Variants in ROS1 observed in about 807,000 individuals in gnomAD.
ROS1 encodes the protein proto-oncogene tyrosine-protein kinase ROS.
ROS1 carries 263 observed loss-of-function variants against 273.5 expected under a neutral mutation model. The observed-to-expected ratio is 0.96, with a 90% confidence interval of 0.87 to 1.06. ROS1 has a LOEUF of 1.06. ROS1 is among the 50% of genes least tolerant of loss of function. ROS1 has a pLI of 0.00. For missense variants in ROS1, 2,833 were observed against 2,751.1 expected (o/e 1.03, Z -0.67); for synonymous variants, 1,008 against 954.1 (o/e 1.06, Z -1.04).
intron 22 of ROS1, among the ~76,000 whole-genome samples, chr6:117,362,214 C>T (rs865864002): frequency 1.1e-4 from 17 of 152,024 alleles, no homozygotes; most frequent in Non-Finnish European, 2.4e-4. Context: ...CCCCTCTTGC[C>T]TCTCTACTTT....
intron 4 of ROS1, among the ~76,000 whole-genome samples, chr6:117,412,743 C>T (rs189658071): frequency 1.3e-5 from 2 of 152,250 alleles, no homozygotes; most frequent in Admixed American, 6.5e-5. Context: ...AGTTATAACA[C>T]TGAGAGGAAA....
intron 34 of ROS1, 106 bp downstream of exon 34, chr6:117,326,118 T>TATATAG (rs1425805750): frequency 4.1e-6 from 1 of 244,670 alleles, no homozygotes; most frequent in Admixed American, 5.9e-5. Flanking sequence ...TATATATATA[T>TATATAG]ATATATATAG....
At chr6:117,321,463 AC>A (rs1461835356) in intron 35 of ROS1, 69 bp from the exon 36 acceptor site, 3 of 1,381,894 alleles carry the variant, frequency 2.2e-6, no homozygotes, top group Non-Finnish European at 3.0e-6. Context: ...GGAAATGTTA[AC>A]AGTGCATTTG....
At chr6:117,304,529 CA>C (rs1242049829) in intron 42 of ROS1, among the ~76,000 whole-genome samples, 4 of 151,988 alleles carry the variant, frequency 2.6e-5, no homozygotes, top group African/African-American at 2.4e-5. Flanking sequence ...AACCATGGTC[CA>C]AAAATATTTA....
At position 117,341,141 on chromosome 6, in the gene ROS1, T is replaced by C. The variant is rs958401530; in HGVS notation, c.5055A>G (p.Leu1685=). 8 of 1,603,870 alleles carry C rather than the reference T, an allele frequency of 5.0e-6. No individual in the cohort carries two copies. Among genetic ancestry groups the C allele is most frequent in the Non-Finnish European group, 6.0e-6 (7 of 1,175,964 alleles). The stretch of plus-strand genomic sequence containing the variant: ...ACTTGCATTAAAAGTCTACCTTCTG[T>C]AGCTCAACCCAAAATCTGATGAGGT... ...NVNLIRFWVE[L]QKWKYNEFYH... Residue 1685 remains leucine (L), a synonymous_variant, in exon 31 of 44, where the codon CTA becomes CTG. Coordinates refer to ENST00000368507, the MANE Select transcript of ROS1 (RefSeq NM_001378902.1).
Position 117,383,520 on chromosome 6 carries a change from AAT to A in ROS1, c.2290-14_2290-13del. On this transcript the variant is annotated splice_polypyrimidine_tract_variant and intron_variant, in intron 16 of 43. Coordinates refer to ENST00000368507, the MANE Select transcript of ROS1 (RefSeq NM_001378902.1). ...GACTGCCTTTGTATCTAAAAAACAT[AAT>A]TGTATGGCCAGTTAATGGCTTTCAA... The A allele has an allele frequency of 3.7e-6, 6 of 1,600,732 alleles. No homozygotes were observed. Among genetic ancestry groups the A allele is most frequent in the Non-Finnish European group, 5.1e-6 (6 of 1,167,968 alleles).
intron 35 of ROS1, among the ~76,000 whole-genome samples, chr6:117,323,288 G>T (rs1398529492): frequency 6.6e-6 from 1 of 152,118 alleles, no homozygotes; most frequent in Admixed American, 6.6e-5. Flanking sequence ...TAAAGATTGT[G>T]ACTCCAATCA....
intron 34 of ROS1, 106 bp downstream of exon 34, chr6:117,326,118 T>C (rs1776626018): frequency 4.1e-6 from 1 of 244,662 alleles, no homozygotes; most frequent in East Asian, 7.5e-5. Context: ...TATATATATA[T>C]ATATATATAG....
rs1384823853 is a variant in ROS1 at position 117,389,331 on chromosome 6, C to A, written c.1786+19G>T. On this transcript the variant is annotated intron_variant, in intron 13 of 43. Transcript: ENST00000368507. ...TATTCCAGCAAGGCCAGTAACCACACTGGGGACAGAGCACTCACTGGCTCC... is the reference window on the plus strand; with the variant it reads ...TATTCCAGCAAGGCCAGTAACCACAATGGGGACAGAGCACTCACTGGCTCC... 6.3e-7 allele frequency: 1 copy of A among 1,597,394 alleles called. No individual in the cohort carries two copies.
At chr6:117,332,344 G>C (rs1777141839) in intron 32 of ROS1, among the ~76,000 whole-genome samples, 1 of 152,178 alleles carries the variant, frequency 6.6e-6, no homozygotes, top group African/African-American at 2.4e-5. Flanking sequence ...GACTCACAAA[G>C]TAAGTTCTTA....
At chr6:117,317,757 A>G (rs1776018935) in intron 38 of ROS1, among the ~76,000 whole-genome samples, 1 of 152,096 alleles carries the variant, frequency 6.6e-6, no homozygotes, top group African/African-American at 2.4e-5. Context: ...TCTTCCCATT[A>G]AGATGTGCTT....
rs199563442 is a variant in ROS1, at chr6:117,329,383, C to T, written c.5294G>A (p.Trp1765Ter). The T allele has an allele frequency of 1.2e-6, 2 of 1,603,068 alleles. No homozygotes were observed. The highest frequency in any genetic ancestry group is 1.7e-6 in the Non-Finnish European group (2 of 1,170,424). ...ACATCCATTATCTTCAGCTTTCTCC[C>T]ACTGTATTGAATTTTTACTCCCTTC... ...LLEGSKNSIQ[W>*]EKAEDNGCRI... The change falls in exon 33 of 44, where the codon TGG becomes TAG. Residue 1765 changes from tryptophan (W) to a stop codon, truncating the protein, a stop_gained. Coordinates refer to ENST00000368507, the MANE Select transcript of ROS1 (RefSeq NM_001378902.1). LOFTEE classifies it high-confidence loss of function.
chr6:117,363,865 C>A (rs763869505), intron 21 of ROS1, among the ~76,000 whole-genome samples: 2 of 152,104 alleles, frequency 1.3e-5, no homozygotes, highest in Non-Finnish European at 2.9e-5. Context: ...TCAGAGAAAG[C>A]ATCTCTTCTT....
intron 20 of ROS1, 67 bp from the exon 21 acceptor site, chr6:117,365,271 T>C (rs933371027): frequency 2.1e-6 from 3 of 1,449,624 alleles, no homozygotes; most frequent in South Asian, 1.3e-5. Context: ...TTCCTTATTA[T>C]CTAAAATCTC....
intron 27 of ROS1, among the ~76,000 whole-genome samples, chr6:117,349,594 T>C (rs1162094803): frequency 6.6e-6 from 1 of 152,090 alleles, no homozygotes; most frequent in African/African-American, 2.4e-5. Context: ...TAAATTAAGA[T>C]CTACCATATT....
At chr6:117,368,731 T>C (rs1780480473) in intron 18 of ROS1, among the ~76,000 whole-genome samples, 1 of 152,196 alleles carries the variant, frequency 6.6e-6, no homozygotes, top group Non-Finnish European at 1.5e-5. Context: ...AGAACAAGTA[T>C]GTAAATCAAC....
At chr6:117,300,622 G>A (rs984919822) in intron 43 of ROS1, among the ~76,000 whole-genome samples, 15 of 152,254 alleles carry the variant, frequency 9.9e-5, no homozygotes, top group East Asian at 3.9e-4. Flanking sequence ...ATAATGTACC[G>A]TAAGCAAAGA....
intron 33 of ROS1, chr6:117,328,775 A>T (rs1420815361): frequency 1.6e-6 from 1 of 613,816 alleles, no homozygotes; most frequent in Admixed American, 1.8e-5. Flanking sequence ...GAGGCTGTTC[A>T]TCAGTGGCTG....
intron 43 of ROS1, among the ~76,000 whole-genome samples, chr6:117,295,088 T>C (rs561210079): frequency 1.1e-4 from 17 of 152,218 alleles, no homozygotes; most frequent in East Asian, 1.9e-4. Flanking sequence ...CAAAACAGCA[T>C]AGTGCTGGCA....
Sources: allele counts gnomAD v4.1 joint callset (sites outside exome capture counted in the v4.1 genomes callset), GRCh38; gene constraint gnomAD v4.1.1; transcripts MANE v1.5; gene names NCBI Gene and HGNC (gene_info 2026-07-23, HGNC 2026-07-21).